ZNF385D: variants seen among roughly 807,000 people sequenced by gnomAD.
The protein encoded by ZNF385D is zinc finger protein 659.
Under a neutral mutation model 35.8 loss-of-function variants are expected in ZNF385D, and 15 were observed. The ratio of observed to expected loss-of-function variants is 0.42; its 90% CI spans 0.28 to 0.64. The LOEUF is 0.64. Ranked by LOEUF, ZNF385D falls within the 30% of genes least tolerant of loss-of-function variation. ZNF385D has a pLI of 0.23. For missense variants in ZNF385D, 474 were observed against 494.6 expected (o/e 0.96, Z 0.39); for synonymous variants, 212 against 186.8 (o/e 1.13, Z -1.10).
At chr3:21,907,268 T>C (rs1699729002) in intron 3 of ZNF385D, among the ~76,000 whole-genome samples, 1 of 152,186 alleles carries the variant, frequency 6.6e-6, no homozygotes, top group South Asian at 2.1e-4. Context: ...AGAATAATTA[T>C]AACTATCATC....
At chr3:22,185,395 A>C (rs1246727138) in intron 2 of ZNF385D, among the ~76,000 whole-genome samples, 3 of 152,158 alleles carry the variant, frequency 2.0e-5, no homozygotes, top group African/African-American at 7.2e-5. Context: ...ATGCGCAAAA[A>C]CCATGGACAG....
At chr3:21,924,147 C>A (rs986996115) in intron 3 of ZNF385D, among the ~76,000 whole-genome samples, 2 of 152,144 alleles carry the variant, frequency 1.3e-5, no homozygotes, top group Non-Finnish European at 1.5e-5. Context: ...TAAGTAGTAA[C>A]TTCTGCTTCC....
At chr3:22,372,371 C>T in intron 2 of ZNF385D, 1 of 910,742 alleles carries the variant, frequency 1.1e-6, no homozygotes, top group Non-Finnish European at 1.3e-6. Context: ...CCCGCAGGGG[C>T]GCAACCCTAG....
chr3:22,344,177 GGTGTGTGTGT>G (rs571896117), intron 2 of ZNF385D, among the ~76,000 whole-genome samples: 2 of 140,756 alleles, frequency 1.4e-5, no homozygotes, highest in East Asian at 2.1e-4. Context: ...GGTGGGGTGG[GGTGTGTGTGT>G]GTGTGTGTGT....
chr3:21,909,705 G>C (rs768542968), intron 3 of ZNF385D, among the ~76,000 whole-genome samples: 2 of 152,024 alleles, frequency 1.3e-5, no homozygotes, highest in Non-Finnish European at 2.9e-5. Context: ...AAGAAGAATG[G>C]ATGTGGAGTA....
chr3:21,818,261 A>G (rs1221878570), intron 3 of ZNF385D, among the ~76,000 whole-genome samples: 1 of 152,220 alleles, frequency 6.6e-6, no homozygotes, highest in Admixed American at 6.5e-5. Flanking sequence ...TCACACCAAC[A>G]TGGCACATGT....
At chr3:21,928,184 C>G (rs1700828827) in intron 3 of ZNF385D, among the ~76,000 whole-genome samples, 1 of 151,552 alleles carries the variant, frequency 6.6e-6, no homozygotes, top group Non-Finnish European at 1.5e-5. Flanking sequence ...GCACTACAGC[C>G]TAGGTGAGAA....
chr3:22,016,597 A>G (rs138816490), intron 3 of ZNF385D, among the ~76,000 whole-genome samples: 1 of 152,172 alleles, frequency 6.6e-6, no homozygotes, highest in Non-Finnish European at 1.5e-5. Flanking sequence ...TCTGAATCAC[A>G]TCTTCTCATT....
chr3:21,554,714 G>T (rs2062675034), intron 3 of ZNF385D, among the ~76,000 whole-genome samples: 1 of 152,102 alleles, frequency 6.6e-6, no homozygotes, highest in African/African-American at 2.4e-5. Context: ...GCCTTAACTG[G>T]ATCTTCTGGA....
chr3:21,748,604 A>G (rs2069899344), intron 1 of ZNF385D, among the ~76,000 whole-genome samples: 1 of 152,212 alleles, frequency 6.6e-6, no homozygotes, highest in South Asian at 2.1e-4. Flanking sequence ...AGAAAAGCCT[A>G]AGAATGCAGC....
At chr3:22,127,317 C>CTTTTTTTTTTTTTTTTTTTTTT (rs71044975) in intron 3 of ZNF385D, among the ~76,000 whole-genome samples, 1 of 56,308 alleles carries the variant, frequency 1.8e-5, no homozygotes, top group Non-Finnish European at 3.3e-5. Flanking sequence ...TCATTTCCTG[C>CTTTTTTTTTTTTTTTTTTTTTT]TTTTTTTTTT....
intron 2 of ZNF385D, among the ~76,000 whole-genome samples, chr3:22,214,847 C>A (rs544681591): frequency 3.3e-5 from 5 of 152,080 alleles, no homozygotes; most frequent in Non-Finnish European, 5.9e-5. Flanking sequence ...TGTAATCTCG[C>A]CCTGCCTCCA....
intron 3 of ZNF385D, among the ~76,000 whole-genome samples, chr3:21,921,997 G>A (rs184531923): frequency 3.2e-4 from 49 of 152,116 alleles, no homozygotes; most frequent in Admixed American, 1.3e-4. Flanking sequence ...CTCATGTTAT[G>A]AAGGCACCAT....
chr3:21,810,989 TG>T, intron 3 of ZNF385D, among the ~76,000 whole-genome samples: 1 of 105,056 alleles, frequency 9.5e-6, no homozygotes, highest in East Asian at 2.3e-4. Context: ...TGTGTGTGTG[TG>T]TGTGTGTGTA....
intron 2 of ZNF385D, among the ~76,000 whole-genome samples, chr3:22,224,697 A>G (rs1464069941): frequency 1.3e-5 from 2 of 152,202 alleles, no homozygotes; most frequent in Admixed American, 6.5e-5. Context: ...ACCAAAGTGA[A>G]CTATTCCTAT....
At chr3:21,630,135 T>C (rs2065240740) in intron 2 of ZNF385D, among the ~76,000 whole-genome samples, 1 of 152,060 alleles carries the variant, frequency 6.6e-6, no homozygotes, top group African/African-American at 2.4e-5. Flanking sequence ...TATTTATATA[T>C]TTAGCTAAGA....
chr3:21,691,438 A>G (rs1003236107), intron 1 of ZNF385D, among the ~76,000 whole-genome samples: 14 of 151,968 alleles, frequency 9.2e-5, no homozygotes, highest in African/African-American at 3.4e-4. Flanking sequence ...CATTCACCAA[A>G]AGATACAAAT....
At chr3:22,140,362 T>A (rs1055962830) in intron 3 of ZNF385D, among the ~76,000 whole-genome samples, 2 of 152,138 alleles carry the variant, frequency 1.3e-5, no homozygotes, top group African/African-American at 4.8e-5. Context: ...TTATACAACA[T>A]TTTCAAAATG....
chr3:21,806,719 G>T (rs2072668456), intron 3 of ZNF385D, among the ~76,000 whole-genome samples: 1 of 152,124 alleles, frequency 6.6e-6, no homozygotes, highest in Non-Finnish European at 1.5e-5. Context: ...ATAAAAAGTT[G>T]TATCTCCTTC....
Sources: allele counts gnomAD v4.1 joint callset (sites outside exome capture counted in the v4.1 genomes callset), GRCh38; gene constraint gnomAD v4.1.1; transcripts MANE v1.5; gene names NCBI Gene and HGNC (gene_info 2026-07-23, HGNC 2026-07-21).